The following PRKACB variants were observed in gnomAD, a reference collection of about 807,000 sequenced individuals.
PRKACB encodes cAMP-dependent protein kinase catalytic subunit beta.
In PRKACB, 16 loss-of-function variants were observed where a neutral mutation model predicts 51.4. That is an observed-to-expected ratio of 0.31 (90% confidence interval 0.21 to 0.47). The LOEUF is 0.47. Among genes scored for constraint, PRKACB ranks in the 20% least tolerant of loss-of-function variants. The probability of loss-of-function intolerance (pLI) is 1.00; values close to 1 mark genes in which losing one functional copy is unlikely to be tolerated. For synonymous variants in PRKACB, 147 were observed against 154.4 expected, an observed-to-expected ratio of 0.95 and a Z score of 0.35; for missense variants, 309 against 464.5, an observed-to-expected ratio of 0.67 and a Z score of 3.08.
intron 1 of PRKACB, among the ~76,000 whole-genome samples, chr1:84,106,348 A>G (rs146873295): frequency 0.011 from 1,697 of 152,314 alleles, 41 homozygotes; most frequent in African/African-American, 0.039. Flanking sequence ...ATGATTCTAT[A>G]TCTAGAAAAC....
At chr1:84,121,296 A>G (rs1471802108) in intron 1 of PRKACB, among the ~76,000 whole-genome samples, 2 of 151,772 alleles carry the variant, frequency 1.3e-5, no homozygotes, top group Admixed American at 6.6e-5. Flanking sequence ...ATATTTCATT[A>G]TGTTTCTTCT....
chr1:84,119,994 A>G (rs1160602150), intron 1 of PRKACB, among the ~76,000 whole-genome samples: 2 of 152,034 alleles, frequency 1.3e-5, no homozygotes, highest in Non-Finnish European at 2.9e-5. Context: ...ACCTCCATCT[A>G]TAACACAACT....
intron 1 of PRKACB, among the ~76,000 whole-genome samples, chr1:84,123,718 C>T (rs1346234545): frequency 1.3e-5 from 2 of 151,902 alleles, no homozygotes; most frequent in South Asian, 2.1e-4. Flanking sequence ...TAATAATATC[C>T]AATATAAAGG....
chr1:84,125,854 G>A (rs1307996614), intron 1 of PRKACB, among the ~76,000 whole-genome samples: 5 of 152,132 alleles, frequency 3.3e-5, no homozygotes, highest in African/African-American at 1.2e-4. Context: ...ATGTCCAATA[G>A]AATTTTTTAT....
At chr1:84,199,100 TATATGTATATATATGC>T (rs1669238102) in intron 7 of PRKACB, among the ~76,000 whole-genome samples, 1 of 136,312 alleles carries the variant, frequency 7.3e-6, no homozygotes, top group Non-Finnish European at 1.5e-5. Flanking sequence ...TATATATGCA[TATATGTATATATATGC>T]ATATATATAT....
chr1:84,197,999 T>A (rs1186051568), intron 7 of PRKACB, among the ~76,000 whole-genome samples, 175 bp downstream of exon 7: 1 of 152,110 alleles, frequency 6.6e-6, no homozygotes, highest in Non-Finnish European at 1.5e-5. Flanking sequence ...CTACCACTAA[T>A]CCTGTAACCT....
chr1:84,181,482 A>G (rs574035365), intron 2 of PRKACB, among the ~76,000 whole-genome samples: 1 of 152,202 alleles, frequency 6.6e-6, no homozygotes, highest in Admixed American at 6.6e-5. Context: ...GTCAAAGCCA[A>G]ACAAAGATGT....
intron 1 of PRKACB, among the ~76,000 whole-genome samples, chr1:84,099,550 C>T (rs1165925624): frequency 1.3e-5 from 2 of 151,770 alleles, no homozygotes; most frequent in African/African-American, 2.4e-5. Context: ...ATTGTTCCCC[C>T]CCCTTTTTTA....
chr1:84,218,371 A>T (rs1011481995), intron 9 of PRKACB, among the ~76,000 whole-genome samples: 1 of 152,100 alleles, frequency 6.6e-6, no homozygotes, highest in African/African-American at 2.4e-5. Flanking sequence ...CCTCTAAGAG[A>T]TCAACTTTTT....
chr1:84,211,000 G>A (rs1334976129), intron 8 of PRKACB, among the ~76,000 whole-genome samples: 1 of 152,074 alleles, frequency 6.6e-6, no homozygotes, highest in Non-Finnish European at 1.5e-5. Flanking sequence ...CTATGAGAGT[G>A]TGGGCTACCT....
intron 1 of PRKACB, among the ~76,000 whole-genome samples, chr1:84,088,633 G>C (rs185132659): frequency 5.5e-4 from 83 of 152,258 alleles, no homozygotes; most frequent in African/African-American, 2.0e-3. Context: ...TTAAACTGTG[G>C]AAGAATATGA....
At chr1:84,162,664 T>C (rs1656351070) in intron 1 of PRKACB, among the ~76,000 whole-genome samples, 1 of 152,102 alleles carries the variant, frequency 6.6e-6, no homozygotes, top group Non-Finnish European at 1.5e-5. Context: ...ATTGAAAGTT[T>C]CTATATGTTG....
chr1:84,125,978 G>A (rs1205282391), intron 1 of PRKACB, among the ~76,000 whole-genome samples: 3 of 151,826 alleles, frequency 2.0e-5, no homozygotes, highest in Admixed American at 6.6e-5. Context: ...ATCCCCTCAC[G>A]GGACGGGGAG....
chr1:84,185,142 G>T lies in PRKACB; in HGVS notation c.520G>T (p.Gly174Cys). ...LYMVMEYVPG[G>C]EMFSHLRRIG... ...CATGGTTATGGAATATGTCCCTGGG[G>T]GTGAAATGTTTTCACATCTAAGAAG... Residue 174 changes from glycine to cysteine, a missense_variant, in exon 5 of 10, where the codon GGT becomes TGT. Gly to Cys is a radical substitution (Grantham distance 159). Around this residue, in one of 3 missense-constraint regions of PRKACB, gnomAD observed 60 missense variants for 144.4 expected, o/e 0.42. Transcript: ENST00000370685. The T allele has an allele frequency of 6.6e-7, 1 of 1,505,280 alleles. No individual in the cohort carries two copies. Among genetic ancestry groups the T allele is most frequent in the Non-Finnish European group, 8.8e-7 (1 of 1,131,616 alleles). The allele number at this position is 1,505,280 out of a possible 1,614,324, so 93.2% of individuals were successfully genotyped here.
In PRKACB at chr1:84,214,198, C is replaced by T; in HGVS notation, c.952C>T (p.Arg318Trp). Residue 318 changes from arginine to tryptophan, a missense_variant, in exon 9 of 10, where the codon CGG (arginine) becomes TGG (tryptophan). Around this residue, in one of 3 missense-constraint regions of PRKACB, gnomAD observed 96 missense variants for 129.9 expected, o/e 0.74. Transcript: ENST00000370685. ...CAGTTCAGATCTCAAGGACCTTCTACGGAACCTGCTGCAGGTGGATTTGAC... is the reference window on the plus strand; with the variant it reads ...CAGTTCAGATCTCAAGGACCTTCTATGGAACCTGCTGCAGGTGGATTTGAC... ...HFSSDLKDLL[R>W]NLLQVDLTKR... 1.2e-6 allele frequency: 2 copies of T among 1,613,188 alleles called. No individual in the cohort carries two copies. The highest frequency in any genetic ancestry group is 1.7e-6 in the Non-Finnish European group (2 of 1,179,622).
At chr1:84,197,973 A>G in intron 7 of PRKACB, 149 bp downstream of exon 7, 1 of 565,356 alleles carries the variant, frequency 1.8e-6, no homozygotes, top group African/African-American at 1.9e-5. Context: ...ATTACTAAAG[A>G]ATTATTATTT....
chr1:84,119,083 A>G (rs1366602544), intron 1 of PRKACB, among the ~76,000 whole-genome samples: 2 of 151,846 alleles, frequency 1.3e-5, no homozygotes, highest in African/African-American at 2.4e-5. Context: ...AGATTTATAT[A>G]TTTTTCTCCC....
intron 8 of PRKACB, among the ~76,000 whole-genome samples, chr1:84,208,209 G>T (rs2101528344): frequency 6.6e-6 from 1 of 152,300 alleles, no homozygotes. Flanking sequence ...TGAACAACAT[G>T]AATGGATTTA....
chr1:84,080,560 TTAA>T (rs940968576), intron 1 of PRKACB, among the ~76,000 whole-genome samples: 4 of 152,222 alleles, frequency 2.6e-5, no homozygotes, highest in African/African-American at 9.6e-5. Context: ...CACGTGTTGA[TTAA>T]TGTTTGTAAT....
Sources: gnomAD v4.1 joint callset for allele counts (sites outside exome capture counted in the v4.1 genomes callset) on GRCh38, gnomAD v4.1.1 for gene constraint, gnomAD v4.1.1 regional missense constraint, MANE v1.5 for transcripts, NCBI Gene and HGNC (gene_info 2026-07-23, HGNC 2026-07-21) for gene names.